Variants in RBM19 observed in about 807,000 individuals in gnomAD.
The protein encoded by RBM19 is RNA binding motif protein 19, also known as probable RNA-binding protein 19.
Under a neutral mutation model 116.8 loss-of-function variants are expected in RBM19, and 94 were observed. The observed-to-expected ratio is 0.80, with a 90% CI of 0.68 to 0.95. The LOEUF (loss-of-function observed/expected upper bound fraction) is 0.95, where lower values mean the gene tolerates loss of function less well. Among genes scored for constraint, RBM19 ranks in the 40% least tolerant of loss-of-function variants. The probability of loss-of-function intolerance (pLI) is 0.00; values close to 1 mark genes in which losing one functional copy is unlikely to be tolerated. For missense variants in RBM19, 1,161 were observed against 1,220.7 expected (o/e 0.95, Z 0.73); for synonymous variants, 475 against 494.1 (o/e 0.96, Z 0.51).
intron 16 of RBM19, 167 bp from the exon 17 acceptor site, chr12:113,927,396 G>A: frequency 1.4e-6 from 1 of 730,408 alleles, no homozygotes; most frequent in Non-Finnish European, 2.2e-6. Context: ...CTTGTGCTGA[G>A]CTTCAGCAAC....
At chr12:113,905,279 T>C (rs932905878) in intron 21 of RBM19, among the ~76,000 whole-genome samples, 1 of 152,026 alleles carries the variant, frequency 6.6e-6, no homozygotes, top group Non-Finnish European at 1.5e-5. Context: ...GGGGAGCAGA[T>C]TAGAGTCAGA....
intron 5 of RBM19, among the ~76,000 whole-genome samples, chr12:113,958,497 T>C (rs1165161593): frequency 2.0e-5 from 3 of 152,112 alleles, no homozygotes; most frequent in African/African-American, 4.8e-5. Context: ...CTCAAGCCCA[T>C]GCACTTTCCT....
At chr12:113,820,245 T>TAAAA (rs10667485), downstream of RBM19, among the ~76,000 whole-genome samples, 17 of 140,020 alleles carry the variant, frequency 1.2e-4, no homozygotes, top group Admixed American at 2.1e-4. Context: ...ACTGATGAAC[T>TAAAA]AAAAAAAAAA....
At position 113,935,054 on chromosome 12, in the gene RBM19, G is replaced by C. The variant is rs879674585; in HGVS notation, c.2068+1953C>G. Among the ~76,000 whole-genome samples, 6 of 152,248 alleles carry C rather than the reference G, an allele frequency of 3.9e-5. No individual in the cohort carries two copies. The East Asian group carries it at 1.2e-3, about 29-fold the overall frequency. On this transcript the variant is annotated intron_variant, in intron 16 of 23. Coordinates refer to ENST00000261741, the MANE Select transcript of RBM19 (RefSeq NM_016196.4). ...TGGCTGAGATAGGAAACAAATACAA[G>C]TAACAAATAAACAGAATAAATAGAA...
At chr12:113,835,601 C>A (rs938125052) in intron 23 of RBM19, among the ~76,000 whole-genome samples, 1 of 152,186 alleles carries the variant, frequency 6.6e-6, no homozygotes, top group African/African-American at 2.4e-5. Context: ...CTGCTCCTCG[C>A]GAGGCTGGGA....
intron 21 of RBM19, among the ~76,000 whole-genome samples, chr12:113,859,555 C>G (rs1450887744): frequency 6.6e-6 from 1 of 152,144 alleles, no homozygotes; most frequent in Non-Finnish European, 1.5e-5. Flanking sequence ...AATGGCTTGG[C>G]TCCTCCTGAT....
At chr12:113,879,513 C>T (rs944011409) in intron 21 of RBM19, among the ~76,000 whole-genome samples, 2 of 150,386 alleles carry the variant, frequency 1.3e-5, no homozygotes, top group Admixed American at 6.7e-5. Context: ...TAGCCCCTCC[C>T]ACCAGGGCTG....
intron 21 of RBM19, among the ~76,000 whole-genome samples, chr12:113,900,639 T>C (rs1358726845): frequency 6.6e-6 from 1 of 152,150 alleles, no homozygotes; most frequent in Non-Finnish European, 1.5e-5. Context: ...TTTTTCCACG[T>C]GGAAAATCAC....
At chr12:113,908,377 A>G (rs568817981) in intron 21 of RBM19, among the ~76,000 whole-genome samples, 32 of 151,984 alleles carry the variant, frequency 2.1e-4, no homozygotes, top group Middle Eastern at 3.4e-3. Context: ...CCCTCCTTCC[A>G]CTGTCACGGC....
intron 22 of RBM19, among the ~76,000 whole-genome samples, chr12:113,857,986 G>C (rs902956571): frequency 1.3e-5 from 2 of 152,258 alleles, no homozygotes; most frequent in South Asian, 2.1e-4. Context: ...GAGGCTGAGA[G>C]AGGGGACAGG....
intron 10 of RBM19, 55 bp downstream of exon 10, chr12:113,948,778 G>C: frequency 6.4e-7 from 1 of 1,571,662 alleles, no homozygotes; most frequent in Middle Eastern, 1.7e-4. Context: ...GTCAGAGTGA[G>C]AGCCCGGCTC....
intron 23 of RBM19, among the ~76,000 whole-genome samples, chr12:113,836,048 G>C (rs1565963877): frequency 6.6e-6 from 1 of 152,206 alleles, no homozygotes; most frequent in African/African-American, 2.4e-5. Flanking sequence ...CTGCTGGTTT[G>C]TAACACGCTC....
At chr12:113,821,296 C>T (rs1015208390), downstream of RBM19, among the ~76,000 whole-genome samples, 2 of 152,136 alleles carry the variant, frequency 1.3e-5, no homozygotes, top group Admixed American at 6.5e-5. Flanking sequence ...GCACCAGGCC[C>T]GTGGGTCTAC....
chr12:113,962,328 G>T lies in RBM19; in HGVS notation c.123C>A (p.Phe41Leu), dbSNP rs2135946034. The change falls in exon 2 of 24, where the codon TTC becomes TTA. Residue 41 changes from phenylalanine (F) to leucine (L), a missense_variant. Phe to Leu is a conservative substitution (Grantham distance 22). Coordinates refer to ENST00000261741, the MANE Select transcript of RBM19 (RefSeq NM_016196.4). ...TGAAGCCAATAAAACCAAACTTGCG[G>T]AACTTGCCATCTTTGGTGAACTTCA... is the stretch of plus-strand genomic sequence containing the variant. ...CSLKFTKDGK[F>L]RKFGFIGFKS... The T allele has an allele frequency of 6.2e-7, 1 of 1,614,242 alleles. No individual in the cohort carries two copies. The highest frequency in any genetic ancestry group is 1.3e-5 in the African/African-American group (1 of 75,072).
At chr12:113,873,906 A>G (rs995128934) in intron 21 of RBM19, among the ~76,000 whole-genome samples, 6 of 152,228 alleles carry the variant, frequency 3.9e-5, no homozygotes, top group Admixed American at 1.3e-4. Flanking sequence ...GCTGTGCCCC[A>G]GAGGGCCAAG....
rs548240754 is a variant in RBM19 at position 113,956,560 on chromosome 12, G to A, written c.840+1222C>T. Among the ~76,000 whole-genome samples, 222 of 126,892 alleles carry A rather than the reference G, an allele frequency of 1.7e-3. 1 individual carries two copies. Among genetic ancestry groups the A allele is most frequent in the African/African-American group, 6.8e-3 (218 of 32,034 alleles). 83.2% of individuals were successfully genotyped at this position (126,892 alleles called of 152,430 possible). On this transcript the variant is annotated intron_variant, in intron 6 of 23. Coordinates refer to ENST00000261741, the MANE Select transcript of RBM19 (RefSeq NM_016196.4). ...CACACCACTGCACTCCAGCCTGGGC[G>A]ACAGCAAGACTGTCTCAAAAAAAAA...
chr12:113,961,022 T>C (rs1343200667), intron 2 of RBM19, among the ~76,000 whole-genome samples: 1 of 152,202 alleles, frequency 6.6e-6, no homozygotes, highest in Non-Finnish European at 1.5e-5. Flanking sequence ...AGCTGCCATC[T>C]GGTTGCAATC....
intron 21 of RBM19, among the ~76,000 whole-genome samples, chr12:113,882,762 CATGTGCTT>C (rs1880239295): frequency 6.6e-6 from 1 of 152,202 alleles, no homozygotes; most frequent in South Asian, 2.1e-4. Context: ...TACATAAAAG[CATGTGCTT>C]ACTGGGCAAA....
At chr12:113,850,651 C>T (rs1877371649) in intron 22 of RBM19, among the ~76,000 whole-genome samples, 2 of 152,250 alleles carry the variant, frequency 1.3e-5, no homozygotes, top group Admixed American at 1.3e-4. Context: ...GCATTGCATG[C>T]CCTTGGCAGG....
Sources: allele counts gnomAD v4.1 joint callset (sites outside exome capture counted in the v4.1 genomes callset), GRCh38; gene constraint gnomAD v4.1.1; transcripts MANE v1.5; gene names NCBI Gene and HGNC (gene_info 2026-07-23, HGNC 2026-07-21).